SLC24A2: variants seen among roughly 807,000 people sequenced by gnomAD.
The protein encoded by SLC24A2 is sodium/potassium/calcium exchanger 2.
SLC24A2 carries 36 observed loss-of-function variants against 62.0 expected under a neutral mutation model. The ratio of observed to expected loss-of-function variants is 0.58; its 90% CI spans 0.44 to 0.77. The LOEUF is 0.77. SLC24A2 is among the 30% of genes least tolerant of loss of function. The pLI is 0.00. For missense variants in SLC24A2, 846 were observed against 817.9 expected (o/e 1.03, Z -0.42); for synonymous variants, 358 against 294.0 (o/e 1.22, Z -2.23).
chr9:20,094,898 A>G, the SLC24A2 span, among the ~76,000 whole-genome samples: 1 of 152,142 alleles, frequency 6.6e-6, no homozygotes, highest in African/African-American at 2.4e-5. Context: ...TTCAGTTTTC[A>G]TATTATAATT....
chr9:20,244,279 C>T, the SLC24A2 span, among the ~76,000 whole-genome samples: 1 of 152,000 alleles, frequency 6.6e-6, no homozygotes, highest in Non-Finnish European at 1.5e-5. Context: ...TTACAAGATC[C>T]CAAGGAGACA....
intron 8 of SLC24A2, among the ~76,000 whole-genome samples, chr9:19,543,645 G>C (rs1345910629): frequency 2.0e-5 from 3 of 152,074 alleles, no homozygotes; most frequent in Admixed American, 6.6e-5. Flanking sequence ...GTTCTCATTG[G>C]TTTCAAAGAA....
At chr9:20,141,585 T>G in the SLC24A2 span, among the ~76,000 whole-genome samples, 1 of 151,830 alleles carries the variant, frequency 6.6e-6, no homozygotes, top group Non-Finnish European at 1.5e-5. Context: ...CTGATCATTC[T>G]ATAATACTTG....
chr9:20,114,258 A>G, the SLC24A2 span, among the ~76,000 whole-genome samples: 1 of 152,162 alleles, frequency 6.6e-6, no homozygotes. Context: ...GGGACAGATG[A>G]AATAATTCAT....
chr9:20,074,530 T>C, the SLC24A2 span, among the ~76,000 whole-genome samples: 13 of 145,126 alleles, frequency 9.0e-5, 1 homozygote, highest in Non-Finnish European at 1.8e-4. Context: ...AGTAGCCTCA[T>C]GGAAATAATA....
chr9:19,604,258 T>A (rs751383434), intron 4 of SLC24A2, among the ~76,000 whole-genome samples: 6 of 152,132 alleles, frequency 3.9e-5, no homozygotes, highest in Non-Finnish European at 5.9e-5. Flanking sequence ...GGAAGCCCCA[T>A]GGGGTGGTCT....
At chr9:20,298,519 G>A in the SLC24A2 span, among the ~76,000 whole-genome samples, 11 of 152,280 alleles carry the variant, frequency 7.2e-5, no homozygotes, top group South Asian at 1.7e-3. Context: ...GTGAGCCACC[G>A]CACCCGGTCC....
chr9:19,801,890 T>C, the SLC24A2 span, among the ~76,000 whole-genome samples: 488 of 152,310 alleles, frequency 3.2e-3, 1 homozygote, highest in African/African-American at 0.011. Context: ...ACCAAGAACA[T>C]ATCAGACTGC....
At chr9:19,613,702 A>T (rs1199853690) in intron 4 of SLC24A2, among the ~76,000 whole-genome samples, 1 of 152,160 alleles carries the variant, frequency 6.6e-6, no homozygotes, top group Non-Finnish European at 1.5e-5. Context: ...TGGTCCAGGG[A>T]TAGGTCAGAG....
intron 5 of SLC24A2, among the ~76,000 whole-genome samples, chr9:19,596,028 A>G (rs957462517): frequency 1.3e-5 from 2 of 152,084 alleles, no homozygotes; most frequent in African/African-American, 4.8e-5. Flanking sequence ...GTGAGATCCT[A>G]GTAGTGGTCT....
the SLC24A2 span, among the ~76,000 whole-genome samples, chr9:20,136,681 G>C: frequency 2.0e-5 from 3 of 152,068 alleles, no homozygotes; most frequent in African/African-American, 7.2e-5. Context: ...GTCTCACTTA[G>C]GATTAATGAT....
intron 8 of SLC24A2, among the ~76,000 whole-genome samples, chr9:19,539,322 G>T (rs1345589852): frequency 7.3e-6 from 1 of 136,322 alleles, no homozygotes; most frequent in Non-Finnish European, 1.6e-5. Flanking sequence ...GATCTTTCCT[G>T]CTTTCTCTTG....
chr9:19,715,900 G>A (rs1323348946), intron 2 of SLC24A2, among the ~76,000 whole-genome samples: 1 of 152,136 alleles, frequency 6.6e-6, no homozygotes, highest in Non-Finnish European at 1.5e-5. Context: ...CTTTTGAGTT[G>A]CAGTTGTTTT....
At chr9:19,824,132 A>T in the SLC24A2 span, among the ~76,000 whole-genome samples, 1 of 152,190 alleles carries the variant, frequency 6.6e-6, no homozygotes, top group African/African-American at 2.4e-5. Flanking sequence ...CATGTCTAAA[A>T]CACCAAAAGC....
At chr9:20,010,855 T>C in the SLC24A2 span, among the ~76,000 whole-genome samples, 6 of 148,524 alleles carry the variant, frequency 4.0e-5, no homozygotes, top group African/African-American at 9.9e-5. Context: ...TGAGAACATG[T>C]GGTGTTTGGT....
chr9:20,133,450 T>C, the SLC24A2 span, among the ~76,000 whole-genome samples: 1 of 152,146 alleles, frequency 6.6e-6, no homozygotes, highest in Non-Finnish European at 1.5e-5. Context: ...TTCTTAAATA[T>C]GCAACACTGC....
chr9:19,889,781 G>A, the SLC24A2 span, among the ~76,000 whole-genome samples: 1 of 152,154 alleles, frequency 6.6e-6, no homozygotes, highest in Admixed American at 6.5e-5. Context: ...CTATGCCAAT[G>A]ATTCATTCTA....
chr9:19,727,219 G>C (rs1821197788), intron 2 of SLC24A2, among the ~76,000 whole-genome samples: 1 of 152,126 alleles, frequency 6.6e-6, no homozygotes, highest in African/African-American at 2.4e-5. Context: ...ATACATATTA[G>C]ACATTTTTAT....
chr9:19,515,901 G>A lies in SLC24A2; in HGVS notation c.*252C>T, dbSNP rs1832902557. ...GACCAGCGAGGTGTACTTGTCAGTG[G>A]TGAATAGGGAGAAGCCCTGTATTGA... is the stretch of plus-strand genomic sequence containing the variant. On this transcript the variant is annotated 3_prime_UTR_variant, in exon 11 of 11. Coordinates refer to ENST00000341998, the MANE Select transcript of SLC24A2 (RefSeq NM_020344.4). 1 of 493,054 alleles carries A rather than the reference G, an allele frequency of 2.0e-6. No individual in the cohort carries two copies. The highest frequency in any genetic ancestry group is 1.9e-5 in the African/African-American group (1 of 51,372). 30.5% of individuals were successfully genotyped at this position (493,054 alleles called of 1,614,324 possible).
Sources: gnomAD v4.1 joint callset for allele counts (sites outside exome capture counted in the v4.1 genomes callset) on GRCh38, gnomAD v4.1.1 for gene constraint, MANE v1.5 for transcripts, NCBI Gene and HGNC (gene_info 2026-07-23, HGNC 2026-07-21) for gene names.